Variants in COBL observed in about 807,000 individuals in gnomAD.
The protein encoded by COBL is protein cordon-bleu.
In COBL, 51 loss-of-function variants were observed where a neutral mutation model predicts 98.8. The ratio of observed to expected loss-of-function variants is 0.52; its 90% CI spans 0.41 to 0.65. COBL has a LOEUF of 0.65. Among genes scored for constraint, COBL ranks in the 30% least tolerant of loss-of-function variants. The probability of loss-of-function intolerance (pLI) is 0.00; values close to 1 mark genes in which losing one functional copy is unlikely to be tolerated. For synonymous variants in COBL, 634 were observed against 651.7 expected (o/e 0.97, Z 0.41); for missense variants, 1,617 against 1,617.5 (o/e 1.00, Z 0.01).
intron 1 of COBL, among the ~76,000 whole-genome samples, chr7:51,253,341 C>T (rs989004480): frequency 1.4e-4 from 21 of 152,162 alleles, no homozygotes; most frequent in African/African-American, 3.9e-4. Context: ...TCTATTAATA[C>T]GATTACTCTT....
At chr7:51,294,875 T>C (rs911071893) in intron 1 of COBL, among the ~76,000 whole-genome samples, 5 of 152,064 alleles carry the variant, frequency 3.3e-5, no homozygotes, top group Admixed American at 3.3e-4. Flanking sequence ...TTATCAAAAT[T>C]GTTTATTTTA....
intron 7 of COBL, among the ~76,000 whole-genome samples, chr7:51,053,010 C>T (rs1790383675): frequency 6.6e-6 from 1 of 152,216 alleles, no homozygotes; most frequent in Non-Finnish European, 1.5e-5. Context: ...CAGGACCGAG[C>T]TGTGCCTTTG....
At chr7:51,039,289 G>A (rs995446552) in intron 8 of COBL, among the ~76,000 whole-genome samples, 10 of 152,236 alleles carry the variant, frequency 6.6e-5, no homozygotes, top group African/African-American at 2.4e-4. Context: ...CTCTGTGCAG[G>A]TGGCCAAGGT....
chr7:51,090,159 A>T (rs1794673413), intron 6 of COBL, among the ~76,000 whole-genome samples: 1 of 152,182 alleles, frequency 6.6e-6, no homozygotes, highest in African/African-American at 2.4e-5. Context: ...TGCTATCTCA[A>T]TTTTAAGACT....
Position 51,028,650 on chromosome 7 carries a change from G to A in COBL, c.2446C>T (p.Pro816Ser). The A allele has an allele frequency of 1.2e-6, 2 of 1,613,054 alleles. No homozygotes were observed. The highest frequency in any genetic ancestry group is 1.1e-5 in the South Asian group (1 of 90,956). ...TCATGGTGGGCAGACTTCTGCTGGG[G>A]CGATATTGGCTTGGGGTCTGCTTGG... is the stretch of plus-strand genomic sequence containing the variant. ...RLQADPKPIS[P>S]QQKSAHHEGR... The change falls in exon 10 of 13, where the codon CCC (proline) becomes TCC (serine). Residue 816 changes from proline to serine, a missense_variant. By Grantham distance (74) the Pro-to-Ser change is moderately conservative. Around this residue, in one of 3 missense-constraint regions of COBL, gnomAD observed 1,304 missense variants for 1,282.0 expected, o/e 1.02. Transcript: ENST00000265136.
At chr7:51,067,475 A>G (rs969230023) in intron 7 of COBL, among the ~76,000 whole-genome samples, 2 of 152,246 alleles carry the variant, frequency 1.3e-5, no homozygotes, top group African/African-American at 2.4e-5. Context: ...ATATACATCT[A>G]TGCACATGTA....
chr7:51,107,843 T>A (rs1259659919), intron 6 of COBL, among the ~76,000 whole-genome samples: 1 of 152,126 alleles, frequency 6.6e-6, no homozygotes, highest in East Asian at 1.9e-4. Context: ...AAGGAAGATA[T>A]GTAAATCAAG....
chr7:51,180,867 T>C (rs777228341), intron 5 of COBL, among the ~76,000 whole-genome samples: 13 of 152,266 alleles, frequency 8.5e-5, no homozygotes, highest in Non-Finnish European at 1.8e-4. Flanking sequence ...ATTATCTTTC[T>C]GACTATAATC....
At chr7:51,107,411 A>T (rs1796410796) in intron 6 of COBL, among the ~76,000 whole-genome samples, 1 of 152,130 alleles carries the variant, frequency 6.6e-6, no homozygotes, top group Admixed American at 6.5e-5. Flanking sequence ...TAGAGGTTTT[A>T]ACATGGAGAT....
intron 1 of COBL, among the ~76,000 whole-genome samples, chr7:51,289,202 GATGTT>G (rs1800665830): frequency 1.3e-5 from 2 of 152,184 alleles, no homozygotes; most frequent in African/African-American, 4.8e-5. Flanking sequence ...TTCAACAAAT[GATGTT>G]ATAACAATTG....
chr7:51,251,333 G>A (rs1796713562), intron 1 of COBL, among the ~76,000 whole-genome samples: 1 of 152,182 alleles, frequency 6.6e-6, no homozygotes, highest in Non-Finnish European at 1.5e-5. Flanking sequence ...TATTCCAGGG[G>A]TGAAGGCTGA....
intron 12 of COBL, among the ~76,000 whole-genome samples, chr7:51,022,418 C>T (rs762045858): frequency 3.9e-5 from 6 of 152,230 alleles, no homozygotes; most frequent in Admixed American, 1.3e-4. Flanking sequence ...TTTACAGCCA[C>T]GGTGACCTTT....
intron 5 of COBL, among the ~76,000 whole-genome samples, chr7:51,138,243 A>T (rs1799419460): frequency 6.6e-6 from 1 of 152,204 alleles, no homozygotes; most frequent in Non-Finnish European, 1.5e-5. Context: ...TTAGGCTCCT[A>T]CAGAAAAATG....
chr7:51,225,409 CT>C (rs1484239891), intron 1 of COBL, among the ~76,000 whole-genome samples: 2 of 152,204 alleles, frequency 1.3e-5, no homozygotes. Flanking sequence ...CCGGCTCCTG[CT>C]GGGCACACCC....
chr7:51,138,118 T>A (rs916252083), intron 5 of COBL, among the ~76,000 whole-genome samples: 1 of 152,186 alleles, frequency 6.6e-6, no homozygotes. Flanking sequence ...CTGCAGACAC[T>A]GAATATCAAC....
Position 51,030,899 on chromosome 7 carries a change from C to A in COBL, c.1417G>T (p.Ala473Ser), listed in dbSNP as rs756213209. The part of the protein sequence containing the change: ...SENSHLRTEK[A>S]VTASNDEEDL... Reference sequence around the variant, plus strand: ...TCTTCATCATTTGAGGCTGTGACAGCTTTTTCAGTTCTAGGGAAGACCAAA... The same window carrying A: ...TCTTCATCATTTGAGGCTGTGACAGATTTTTCAGTTCTAGGGAAGACCAAA... The change falls in exon 9 of 13, where the codon GCT (alanine) becomes TCT (serine). Residue 473 changes from alanine to serine, a missense_variant. Around this residue, in one of 3 missense-constraint regions of COBL, gnomAD observed 1,304 missense variants for 1,282.0 expected, o/e 1.02. Coordinates refer to ENST00000265136, the MANE Select transcript of COBL (RefSeq NM_015198.5). The A allele has an allele frequency of 3.7e-6, 6 of 1,609,032 alleles. No homozygotes were observed. The highest frequency in any genetic ancestry group is 5.1e-6 in the Non-Finnish European group (6 of 1,175,590).
At chr7:51,179,535 AT>A (rs150615743) in intron 5 of COBL, among the ~76,000 whole-genome samples, 2,117 of 152,212 alleles carry the variant, frequency 0.014, 47 homozygotes, top group African/African-American at 0.049. Context: ...TCTTCAGGTT[AT>A]TTTTATATGA....
At chr7:51,119,798 A>G (rs975819260) in intron 6 of COBL, among the ~76,000 whole-genome samples, 3 of 152,230 alleles carry the variant, frequency 2.0e-5, no homozygotes, top group Non-Finnish European at 4.4e-5. Context: ...AAGTACTATT[A>G]CAAATTCTAT....
intron 8 of COBL, among the ~76,000 whole-genome samples, chr7:51,038,809 C>A (rs1788881220): frequency 1.3e-5 from 2 of 152,236 alleles, no homozygotes; most frequent in Non-Finnish European, 2.9e-5. Context: ...AGCCTAGAGG[C>A]CTGGCCTTGC....
Sources: gnomAD v4.1 joint callset for allele counts (sites outside exome capture counted in the v4.1 genomes callset) on GRCh38, gnomAD v4.1.1 for gene constraint, gnomAD v4.1.1 regional missense constraint, MANE v1.5 for transcripts, NCBI Gene and HGNC (gene_info 2026-07-23, HGNC 2026-07-21) for gene names.